SLCO2B1: variants seen among roughly 807,000 people sequenced by gnomAD.
SLCO2B1 encodes the protein OATP-RP2.
In SLCO2B1, 41 loss-of-function variants were observed where a neutral mutation model predicts 67.3. The ratio of observed to expected loss-of-function variants is 0.61; its 90% confidence interval spans 0.47 to 0.79. The LOEUF is 0.79. Among genes scored for constraint, SLCO2B1 ranks in the 30% least tolerant of loss-of-function variants. SLCO2B1 has a pLI of 0.00. For missense variants in SLCO2B1, 837 were observed against 920.1 expected, an observed-to-expected ratio of 0.91 and a Z score of 1.17; for synonymous variants, 379 against 381.4, an observed-to-expected ratio of 0.99 and a Z score of 0.07.
At chr11:75,191,450 C>A (rs765824) in intron 8 of SLCO2B1, among the ~76,000 whole-genome samples, 12,121 of 152,212 alleles carry the variant, frequency 0.08, 1,197 homozygotes, top group African/African-American at 0.23. Context: ...CAGCAAGGAA[C>A]CAGGGACAGG....
rs1430841453 is a variant in SLCO2B1, at chr11:75,200,329, A to G, written c.1705A>G (p.Ser569Gly). The stretch of plus-strand genomic sequence containing the variant: ...GGTGGTGCCCTTCCTGCTCCTGGTC[A>G]GCCTGGGCTCGGCCCTGGCCTGTCT... ...HLVVPFLLLV[S>G]LGSALACLTH... is the part of the protein sequence containing the mutation. The change falls in exon 11 of 14, where the codon AGC becomes GGC. Residue 569 changes from serine (S) to glycine (G), a missense_variant. Transcript: ENST00000289575. 2 of 1,613,476 alleles carry G rather than the reference A, an allele frequency of 1.2e-6. No homozygotes were observed. The highest frequency in any genetic ancestry group is 1.7e-6 in the Non-Finnish European group (2 of 1,179,908).
In SLCO2B1 at chr11:75,172,524, G is replaced by T; in HGVS notation, c.927G>T (p.Gln309His). The change falls in exon 7 of 14, where the codon CAG (glutamine) becomes CAT (histidine). Residue 309 changes from glutamine to histidine, a missense_variant. By Grantham distance (24) the Gln-to-His change is conservative. Transcript: ENST00000289575. Reference protein sequence around the residue: ...KEMPKEKRELQFRRKVLAVTD... With the variant: ...KEMPKEKRELHFRRKVLAVTD... ...TGCCCAAGGAAAAACGTGAGCTTCAGTTTCGGCGAAAGGTCTTAGCAGTCA... is the reference window on the plus strand; with the variant it reads ...TGCCCAAGGAAAAACGTGAGCTTCATTTTCGGCGAAAGGTCTTAGCAGTCA... The T allele has an allele frequency of 6.2e-7, 1 of 1,614,200 alleles. No homozygotes were observed. Among genetic ancestry groups the T allele is most frequent in the Non-Finnish European group, 8.5e-7 (1 of 1,180,018 alleles).
chr11:75,153,486 G>A (rs1949714179), intron 1 of SLCO2B1, among the ~76,000 whole-genome samples: 1 of 152,202 alleles, frequency 6.6e-6, no homozygotes, highest in South Asian at 2.1e-4. Flanking sequence ...CAAGGTCCAA[G>A]CTCACCCCAA....
In SLCO2B1 at chr11:75,169,295, A is replaced by G. The variant is rs1326593699; in HGVS notation, c.571A>G (p.Ile191Val). ...AACCCAGCATCTGAGTGTGGTGGGGATCATGTTCGTGGCACAGACCCTGCT... is the reference window on the plus strand; with the variant it reads ...AACCCAGCATCTGAGTGTGGTGGGGGTCATGTTCGTGGCACAGACCCTGCT... ...TETQHLSVVG[I>V]MFVAQTLLGV... The change falls in exon 5 of 14, where the codon ATC becomes GTC. Residue 191 changes from isoleucine (I) to valine (V), a missense_variant. Transcript: ENST00000289575. 1 of 1,614,104 alleles carries G rather than the reference A, an allele frequency of 6.2e-7. No individual in the cohort carries two copies. The highest frequency in any genetic ancestry group is 8.5e-7 in the Non-Finnish European group (1 of 1,180,012).
chr11:75,157,200 T>C (rs1448632661), intron 1 of SLCO2B1: 1 of 152,248 alleles, frequency 6.6e-6, no homozygotes, highest in Non-Finnish European at 1.5e-5. Flanking sequence ...CTTGAAGGGC[T>C]GATCCATCTT....
At chr11:75,152,443 G>A (rs1472954332) in intron 1 of SLCO2B1, 2 of 152,464 alleles carry the variant, frequency 1.3e-5, no homozygotes, top group Non-Finnish European at 2.9e-5. Context: ...CCATGGCTTG[G>A]GGACTGCAGT....
chr11:75,193,630 A>G lies in SLCO2B1; in HGVS notation c.1433+55A>G. ...AGCCTGGGAGGACAGGACAGGGAGG[A>G]CAGGGGCCCTGGGCAGAGGCCAGGA... On this transcript the variant is annotated intron_variant, in intron 9 of 13. Coordinates refer to ENST00000289575, the MANE Select transcript of SLCO2B1 (RefSeq NM_007256.5). This position sits in a 1 kb window ranked among gnomAD's most constrained non-coding sequence, Gnocchi z 4.2. The G allele has an allele frequency of 6.8e-7, 1 of 1,463,160 alleles. No individual in the cohort carries two copies. The highest frequency in any genetic ancestry group is 9.1e-7 in the Non-Finnish European group (1 of 1,097,286). 90.6% of individuals were successfully genotyped at this position (1,463,160 alleles called of 1,614,324 possible).
intron 3 of SLCO2B1, 85 bp from the exon 4 acceptor site, chr11:75,165,702 G>T (rs1360189603): frequency 7.2e-7 from 1 of 1,390,614 alleles, no homozygotes; most frequent in Admixed American, 1.9e-5. Context: ...TGGGCATACG[G>T]AAGTTAGACA....
At chr11:75,161,284 A>G (rs946655669) in intron 1 of SLCO2B1, among the ~76,000 whole-genome samples, 6 of 152,344 alleles carry the variant, frequency 3.9e-5, no homozygotes, top group Middle Eastern at 6.8e-3. Flanking sequence ...TTGTCAGGGA[A>G]GAGGGAGGAA....
At chr11:75,170,159 G>A (rs1949941696) in intron 6 of SLCO2B1, among the ~76,000 whole-genome samples, 2 of 152,310 alleles carry the variant, frequency 1.3e-5, no homozygotes, top group Non-Finnish European at 2.9e-5. Flanking sequence ...GTTTTTAGGG[G>A]GAAACAAGAC....
intron 7 of SLCO2B1, among the ~76,000 whole-genome samples, chr11:75,178,548 C>A (rs941182358): frequency 6.6e-6 from 1 of 152,092 alleles, no homozygotes; most frequent in African/African-American, 2.4e-5. Flanking sequence ...TATGGTGGAA[C>A]ATGATGTTTT....
intron 7 of SLCO2B1, among the ~76,000 whole-genome samples, chr11:75,176,105 G>C (rs368446095): frequency 6.6e-6 from 1 of 152,186 alleles, no homozygotes; most frequent in African/African-American, 2.4e-5. Flanking sequence ...AGTCCCCAAG[G>C]TCCTGCTAGG....
Position 75,193,647 on chromosome 11 carries a change from A to AG in SLCO2B1, c.1433+74dup, listed in dbSNP as rs1357334339. 7.3e-6 allele frequency: 10 copies of AG among 1,378,348 alleles called. No individual in the cohort carries two copies. In the East Asian group the frequency reaches 2.1e-4, roughly 29 times the overall value. The allele number at this position is 1,378,348 out of a possible 1,614,324, so 85.4% of individuals were successfully genotyped here. A position where few individuals can be genotyped will look rare whatever the true frequency, so the allele number is the denominator to read the frequency against. ...CAGGGAGGACAGGGGCCCTGGGCAG[A>AG]GGCCAGGATGGCAGGGCAACCCCTG... On this transcript the variant is annotated intron_variant, in intron 9 of 13. Transcript: ENST00000289575. The surrounding 1 kb of genome is among the most constrained non-coding windows in gnomAD (Gnocchi z 4.2).
Position 75,162,719 on chromosome 11 carries a change from C to A in SLCO2B1, c.81C>A (p.Asn27Lys). 1 of 1,601,470 alleles carries A rather than the reference C, an allele frequency of 6.2e-7. No homozygotes were observed. Among genetic ancestry groups the A allele is most frequent in the Non-Finnish European group, 8.5e-7 (1 of 1,172,494 alleles). The change falls in exon 2 of 14, where the codon AAC (asparagine) becomes AAA (lysine). Residue 27 changes from asparagine (N) to lysine (K), a missense_variant. By Grantham distance (94) the Asn-to-Lys change is moderately conservative (BLOSUM62 0). Transcript: ENST00000289575. ...KETKATMGTE[N>K]TPGGKASPDP... ...CCAAAGCCACAATGGGCACAGAAAA[C>A]ACACCTGGAGGCAAAGCCAGCCCAG...
rs771444050 is a variant in SLCO2B1, at chr11:75,163,998, G to A, written c.183G>A (p.Ala61=). Residue 61 remains alanine (A), a synonymous_variant, in exon 3 of 14, where the codon GCG becomes GCA. Coordinates refer to ENST00000289575, the MANE Select transcript of SLCO2B1 (RefSeq NM_007256.5). The part of the protein sequence containing the change: ...FVLCHSLLQL[A]QLMISGYLKS... ...TGTGCCACAGCCTGCTGCAGCTGGC[G>A]CAGCTCATGATCTCCGGCTACCTAA... The A allele has an allele frequency of 3.2e-5, 51 of 1,604,366 alleles. No individual in the cohort carries two copies. Among genetic ancestry groups the A allele is most frequent in the South Asian group, 1.7e-4 (15 of 89,132 alleles).
intron 11 of SLCO2B1, 139 bp from the exon 12 acceptor site, chr11:75,202,762 C>A: frequency 1.3e-6 from 1 of 772,712 alleles, no homozygotes; most frequent in Admixed American, 1.9e-5. Flanking sequence ...GAGCCCCCAG[C>A]CTAGATCATC....
At chr11:75,162,557 T>C in intron 1 of SLCO2B1, 98 bp from the exon 2 acceptor site, 2 of 1,303,650 alleles carry the variant, frequency 1.5e-6, no homozygotes, top group East Asian at 2.4e-5. Flanking sequence ...CTCTTCTTCC[T>C]GAAAGACCTT....
chr11:75,158,946 C>G (rs1448952058), intron 1 of SLCO2B1, among the ~76,000 whole-genome samples: 1 of 152,202 alleles, frequency 6.6e-6, no homozygotes, highest in Non-Finnish European at 1.5e-5. Context: ...AACCTTGCTC[C>G]TCATCACCCA....
chr11:75,203,638 GC>G, intron 13 of SLCO2B1: 1 of 590,508 alleles, frequency 1.7e-6, no homozygotes, highest in East Asian at 3.1e-5. Flanking sequence ...AAAGCAAGTA[GC>G]CCAAGGTCAC....
Sources: allele counts gnomAD v4.1 joint callset (sites outside exome capture counted in the v4.1 genomes callset), GRCh38; gene constraint gnomAD v4.1.1; non-coding constraint Gnocchi (gnomAD v3.1); transcripts MANE v1.5; gene names NCBI Gene and HGNC (gene_info 2026-07-23, HGNC 2026-07-21).